The following STK10 variants were observed in gnomAD, a reference collection of about 807,000 sequenced individuals.
STK10 encodes the protein serine/threonine kinase 10.
In STK10, 78 loss-of-function variants were observed where a neutral mutation model predicts 113.8. The ratio of observed to expected loss-of-function variants is 0.69; its 90% confidence interval spans 0.57 to 0.83. STK10 has a LOEUF of 0.83. STK10 is among the 40% of genes least tolerant of loss of function. The probability of loss-of-function intolerance (pLI) is 0.00; values close to 1 mark genes in which losing one functional copy is unlikely to be tolerated. For synonymous variants in STK10, 465 were observed against 494.7 expected (o/e 0.94, Z 0.80); for missense variants, 1,109 against 1,280.1 (o/e 0.87, Z 2.04).
rs778264836 is a variant in STK10 at position 172,187,855 on chromosome 5, G to A, written c.156+32C>T. ...TCCCTTCCTTCCGGAGCCCCTCGAC[G>A]CGCGTCCGGCCACCCACCTCAGCGC... On this transcript the variant is annotated intron_variant, in intron 1 of 18. Coordinates refer to ENST00000176763, the MANE Select transcript of STK10 (RefSeq NM_005990.4). This position sits in a 1 kb window ranked among gnomAD's most constrained non-coding sequence, Gnocchi z 4.6. 22 of 1,607,640 alleles carry A rather than the reference G, an allele frequency of 1.4e-5. No homozygotes were observed. The highest frequency in any genetic ancestry group is 1.8e-5 in the Non-Finnish European group (21 of 1,177,474).
chr5:172,187,725 TC>T lies in STK10; in HGVS notation c.156+161del, dbSNP rs1770980878. 6.6e-6 allele frequency among the ~76,000 whole-genome samples: 1 copy of T among 151,722 alleles called. No homozygotes were observed. The highest frequency in any genetic ancestry group is 2.4e-5 in the African/African-American group (1 of 41,272). ...GGGACTCGGCCGGGCCGAGTGATGT[TC>T]CCCCCAAAAAACAAGAGTCATCGGG... On this transcript the variant is annotated intron_variant, in intron 1 of 18. Transcript: ENST00000176763. The surrounding 1 kb of genome is among the most constrained non-coding windows in gnomAD (Gnocchi z 4.6).
intron 1 of STK10, among the ~76,000 whole-genome samples, chr5:172,165,955 G>A (rs966318246): frequency 9.2e-5 from 14 of 152,062 alleles, no homozygotes; most frequent in African/African-American, 2.4e-4. Flanking sequence ...CACCACGCCC[G>A]GCTGTTTTTG....
chr5:172,160,320 C>A (rs1770446170), intron 1 of STK10, among the ~76,000 whole-genome samples: 1 of 151,866 alleles, frequency 6.6e-6, no homozygotes, highest in Admixed American at 6.6e-5. Flanking sequence ...CTAAAAAGTA[C>A]AAAAACTAGC....
rs145664105 is a variant in STK10, at chr5:172,177,963, G to C, written c.156+9924C>G. 6.2e-3 allele frequency among the ~76,000 whole-genome samples: 939 copies of C among 152,212 alleles called. 11 individuals are homozygous for C. Among genetic ancestry groups the C allele is most frequent in the African/African-American group, 0.022 (901 of 41,510 alleles). ...CCTGCCTCAGCCTCCCAAGTAGCTGGGACTACAGGCATGAGCCACCACACC... is the reference window on the plus strand; with the variant it reads ...CCTGCCTCAGCCTCCCAAGTAGCTGCGACTACAGGCATGAGCCACCACACC... On this transcript the variant is annotated intron_variant, in intron 1 of 18. Transcript: ENST00000176763.
intron 2 of STK10, among the ~76,000 whole-genome samples, chr5:172,139,132 A>T (rs993058885): frequency 1.3e-5 from 2 of 152,242 alleles, no homozygotes; most frequent in African/African-American, 4.8e-5. Context: ...TGATCTACAG[A>T]TTCATTGTAA....
At position 172,064,719 on chromosome 5, in the gene STK10, C is replaced by G. The variant is rs1768028198; in HGVS notation, c.2082+1G>C. The G allele has an allele frequency of 3.1e-6, 5 of 1,613,948 alleles. No individual in the cohort carries two copies. The highest frequency in any genetic ancestry group is 1.1e-5 in the South Asian group (1 of 91,088). ...CTCCCCAGCTGAGGCCAGGGACTCA[C>G]AAGAAGCTGCTTTTTCTGCGTGTGC... On this transcript the variant is annotated splice_donor_variant, in intron 13 of 18. Coordinates refer to ENST00000176763, the MANE Select transcript of STK10 (RefSeq NM_005990.4). LOFTEE classifies it high-confidence loss of function.
At chr5:172,110,300 T>C (rs1427210763) in intron 4 of STK10, among the ~76,000 whole-genome samples, 1 of 151,846 alleles carries the variant, frequency 6.6e-6, no homozygotes, top group African/African-American at 2.4e-5. Flanking sequence ...GCTGGGGGCT[T>C]TGGAGGAAGG....
intron 4 of STK10, among the ~76,000 whole-genome samples, chr5:172,115,733 T>C (rs1259363033): frequency 6.6e-6 from 1 of 152,230 alleles, no homozygotes; most frequent in African/African-American, 2.4e-5. Flanking sequence ...TCAGTCTTGC[T>C]AGGTCCCAAA....
chr5:172,116,878 C>CA (rs1561814406), intron 4 of STK10, among the ~76,000 whole-genome samples: 1 of 151,290 alleles, frequency 6.6e-6, no homozygotes, highest in African/African-American at 2.4e-5. Context: ...AAAACAACAA[C>CA]AAAAAAAGAA....
intron 3 of STK10, among the ~76,000 whole-genome samples, chr5:172,123,487 C>T (rs79916647): frequency 0.014 from 2,114 of 152,294 alleles, 44 homozygotes; most frequent in African/African-American, 0.047. Flanking sequence ...CAGTACACTT[C>T]CATGCCTTTC....
At chr5:172,174,990 G>C (rs945002544) in intron 1 of STK10, among the ~76,000 whole-genome samples, 1 of 152,276 alleles carries the variant, frequency 6.6e-6, no homozygotes, top group African/African-American at 2.4e-5. Flanking sequence ...CTCTGGTATA[G>C]CCTGTTTTTT....
chr5:172,130,417 G>A (rs1169232106), intron 2 of STK10, among the ~76,000 whole-genome samples: 1 of 152,010 alleles, frequency 6.6e-6, no homozygotes, highest in Admixed American at 6.6e-5. Context: ...TGTAATCCCA[G>A]CTACTTGGGA....
intron 1 of STK10, among the ~76,000 whole-genome samples, chr5:172,161,745 T>C (rs1467085448): frequency 6.6e-6 from 1 of 152,134 alleles, no homozygotes; most frequent in Admixed American, 6.5e-5. Flanking sequence ...GTGCTGTCAA[T>C]ATCTCATAGA....
intron 10 of STK10, among the ~76,000 whole-genome samples, chr5:172,085,913 C>T (rs542039160): frequency 3.3e-5 from 5 of 152,090 alleles, no homozygotes; most frequent in Non-Finnish European, 7.4e-5. Flanking sequence ...CCTCATGACT[C>T]GGAGGGGCCA....
intron 1 of STK10, among the ~76,000 whole-genome samples, chr5:172,182,329 G>C (rs1770872010): frequency 1.4e-5 from 2 of 146,832 alleles, no homozygotes; most frequent in African/African-American, 5.0e-5. Flanking sequence ...AAAAAAAAAG[G>C]CTTAAAAACA....
chr5:172,167,162 A>T (rs556721478), intron 1 of STK10, among the ~76,000 whole-genome samples: 33 of 151,830 alleles, frequency 2.2e-4, no homozygotes, highest in African/African-American at 6.0e-4. Context: ...CTGTCTCAAA[A>T]AAAAAAAAAG....
intron 7 of STK10, among the ~76,000 whole-genome samples, chr5:172,098,778 G>A (rs777721976): frequency 2.0e-5 from 3 of 152,126 alleles, no homozygotes; most frequent in Admixed American, 6.6e-5. Context: ...TTAACCCTGA[G>A]TCTCAGTTTG....
chr5:172,076,182 AGTTGTGGGGGCTGTCCTGTGCATTT>A, intron 12 of STK10, among the ~76,000 whole-genome samples: 1 of 76,722 alleles, frequency 1.3e-5, no homozygotes, highest in African/African-American at 4.9e-5. Flanking sequence ...CCTGTGCGTT[AGTTGTGGGGGCTGTCCTGTGCATTT>A]GTTGTGGGGG....
rs1216430436 is a variant in STK10, at chr5:172,043,230, G to T, written c.*1652C>A. The T allele has an allele frequency of 1.3e-5, 2 of 152,224 alleles. No individual in the cohort carries two copies. Among genetic ancestry groups the T allele is most frequent in the African/African-American group, 4.8e-5 (2 of 41,378 alleles). The allele number at this position is 152,224 out of a possible 1,614,324, so 9.4% of individuals were successfully genotyped here. On this transcript the variant is annotated 3_prime_UTR_variant, in exon 19 of 19. Coordinates refer to ENST00000176763, the MANE Select transcript of STK10 (RefSeq NM_005990.4). ...CTGCCTCAGCCTCCCGAGTAGCTGGGATTATAGGCATGCACCACCACGCCT... is the reference window on the plus strand; with the variant it reads ...CTGCCTCAGCCTCCCGAGTAGCTGGTATTATAGGCATGCACCACCACGCCT...
Sources: allele counts gnomAD v4.1 joint callset (sites outside exome capture counted in the v4.1 genomes callset), GRCh38; gene constraint gnomAD v4.1.1; non-coding constraint Gnocchi (gnomAD v3.1); transcripts MANE v1.5; gene names NCBI Gene and HGNC (gene_info 2026-07-23, HGNC 2026-07-21).